Variants in TCF12 observed in about 807,000 individuals in gnomAD.
TCF12 encodes DNA-binding protein HTF4.
In TCF12, 45 loss-of-function variants were observed where a neutral mutation model predicts 86.0. That is an observed-to-expected ratio of 0.52 (90% CI 0.41 to 0.67). The LOEUF is 0.67. Among genes scored for constraint, TCF12 ranks in the 30% least tolerant of loss-of-function variants. The pLI is 0.00. For missense variants in TCF12, 881 were observed against 859.9 expected, an observed-to-expected ratio of 1.02 and a Z score of -0.31; for synonymous variants, 330 against 299.6, an observed-to-expected ratio of 1.10 and a Z score of -1.05.
intron 5 of TCF12, among the ~76,000 whole-genome samples, chr15:57,093,764 A>G (rs558959250): frequency 1.4e-3 from 206 of 152,322 alleles, no homozygotes; most frequent in African/African-American, 4.8e-3. Flanking sequence ...TCCATACCCT[A>G]TGTATAAAAT....
At chr15:57,223,565 G>T (rs1237102397) in intron 8 of TCF12, among the ~76,000 whole-genome samples, 3 of 146,654 alleles carry the variant, frequency 2.0e-5, no homozygotes, top group Non-Finnish European at 3.0e-5. Flanking sequence ...ATACGTTTTA[G>T]CAAGTCTCCT....
intron 6 of TCF12, among the ~76,000 whole-genome samples, chr15:57,170,876 A>C (rs1301745953): frequency 1.5e-5 from 2 of 134,576 alleles, no homozygotes; most frequent in Non-Finnish European, 3.1e-5. Flanking sequence ...TCCTAGGCTC[A>C]AGCAATTTTC....
intron 3 of TCF12, among the ~76,000 whole-genome samples, chr15:57,019,782 C>T (rs1237529129): frequency 6.6e-6 from 1 of 152,094 alleles, no homozygotes; most frequent in Non-Finnish European, 1.5e-5. Flanking sequence ...CTTGTGACCT[C>T]TGGCCACATG....
chr15:57,077,274 C>T (rs1012668160), intron 4 of TCF12, among the ~76,000 whole-genome samples: 1 of 150,202 alleles, frequency 6.7e-6, no homozygotes, highest in Non-Finnish European at 1.5e-5. Context: ...TTGATTCATG[C>T]ATATGATATA....
At chr15:57,070,950 A>G (rs1456375981) in intron 4 of TCF12, among the ~76,000 whole-genome samples, 1 of 152,152 alleles carries the variant, frequency 6.6e-6, no homozygotes, top group East Asian at 1.9e-4. Flanking sequence ...TAAGAACAGT[A>G]TAGTTGGCCT....
At chr15:57,139,219 A>G (rs2052774785) in intron 5 of TCF12, among the ~76,000 whole-genome samples, 1 of 152,092 alleles carries the variant, frequency 6.6e-6, no homozygotes, top group Non-Finnish European at 1.5e-5. Context: ...TTGCTCTCGT[A>G]ATCTCTGTCC....
chr15:57,149,994 C>T lies in TCF12; in HGVS notation c.326-16408C>T, dbSNP rs140281614. On this transcript the variant is annotated intron_variant, in intron 5 of 20. Coordinates refer to ENST00000333725, the MANE Select transcript of TCF12 (RefSeq NM_207037.2). ...AAATCATTACTTTTCAGACATTTGA[C>T]AGTAGGCACTCCATGAGAGCAGGAA... is the stretch of plus-strand genomic sequence containing the variant. 2.0e-5 allele frequency among the ~76,000 whole-genome samples: 3 copies of T among 152,182 alleles called. No homozygotes were observed. The East Asian group carries it at 5.8e-4, about 29-fold the overall frequency.
chr15:57,048,203 C>A (rs2067359212), intron 3 of TCF12, among the ~76,000 whole-genome samples: 1 of 152,132 alleles, frequency 6.6e-6, no homozygotes, highest in Non-Finnish European at 1.5e-5. Context: ...GCTTACCAAT[C>A]ATAAGCCAGC....
intron 12 of TCF12, among the ~76,000 whole-genome samples, chr15:57,241,959 T>C (rs1459252399): frequency 1.3e-5 from 2 of 151,922 alleles, no homozygotes; most frequent in East Asian, 3.9e-4. Flanking sequence ...GTCACTGCAC[T>C]CCAGCCTGGG....
chr15:57,135,916 GA>G (rs374965580), intron 5 of TCF12, among the ~76,000 whole-genome samples: 1 of 147,466 alleles, frequency 6.8e-6, no homozygotes, highest in African/African-American at 2.5e-5. Flanking sequence ...GTTAGAGGGG[GA>G]AAAAATCTGG....
chr15:56,927,190 C>T (rs559584042), intron 3 of TCF12, among the ~76,000 whole-genome samples: 1 of 152,256 alleles, frequency 6.6e-6, no homozygotes, highest in South Asian at 2.1e-4. Context: ...TTATATTTCA[C>T]ATGACCTGGG....
intron 18 of TCF12, among the ~76,000 whole-genome samples, chr15:57,272,385 T>C (rs1258214021): frequency 6.6e-6 from 1 of 152,244 alleles, no homozygotes; most frequent in African/African-American, 2.4e-5. Context: ...CCATGTTTTA[T>C]AATTATCACC....
At chr15:57,138,993 T>G (rs545800133) in intron 5 of TCF12, among the ~76,000 whole-genome samples, 1 of 152,312 alleles carries the variant, frequency 6.6e-6, no homozygotes, top group East Asian at 1.9e-4. Flanking sequence ...GTTGAGAACT[T>G]GAGCTAAAAT....
chr15:57,000,248 C>T (rs899098553), intron 3 of TCF12, among the ~76,000 whole-genome samples: 4 of 151,454 alleles, frequency 2.6e-5, no homozygotes, highest in East Asian at 2.0e-4. Flanking sequence ...CATCATAGTT[C>T]GTTACAGCCT....
chr15:56,930,280 C>T (rs1363057337), intron 3 of TCF12, among the ~76,000 whole-genome samples: 2 of 152,186 alleles, frequency 1.3e-5, no homozygotes, highest in South Asian at 2.1e-4. Context: ...TTGGTTTGTA[C>T]CTTTGGAGTG....
At chr15:57,087,346 A>G (rs2048713101) in intron 4 of TCF12, among the ~76,000 whole-genome samples, 1 of 150,054 alleles carries the variant, frequency 6.7e-6, no homozygotes, top group South Asian at 2.1e-4. Flanking sequence ...CAGCAGATTG[A>G]GGCTGCGTTG....
intron 5 of TCF12, among the ~76,000 whole-genome samples, chr15:57,131,122 C>T (rs1306353252): frequency 2.6e-5 from 4 of 152,016 alleles, no homozygotes; most frequent in Admixed American, 6.5e-5. Context: ...AAGGTTCAAA[C>T]GTAGGTGCTT....
intron 19 of TCF12, 140 bp from the exon 20 acceptor site, chr15:57,282,305 T>C (rs778503805): frequency 5.1e-5 from 49 of 966,272 alleles, no homozygotes; most frequent in Admixed American, 2.7e-4. Flanking sequence ...GCTGAGGTTT[T>C]ATGTGAGCAC....
intron 3 of TCF12, among the ~76,000 whole-genome samples, chr15:57,005,207 C>G (rs2064281128): frequency 6.6e-6 from 1 of 152,072 alleles, no homozygotes; most frequent in Non-Finnish European, 1.5e-5. Flanking sequence ...GCAACAAAAC[C>G]CATGGTGGAA....
Sources: gnomAD v4.1 joint callset for allele counts (sites outside exome capture counted in the v4.1 genomes callset) on GRCh38, gnomAD v4.1.1 for gene constraint, MANE v1.5 for transcripts, NCBI Gene and HGNC (gene_info 2026-07-23, HGNC 2026-07-21) for gene names.